Variants in DPH6 observed in about 807,000 individuals in gnomAD.
The protein encoded by DPH6 is diphthamine biosynthesis 6.
In DPH6, 33 loss-of-function variants were observed where a neutral mutation model predicts 38.2. That is an observed-to-expected ratio of 0.86 (90% CI 0.65 to 1.15). The LOEUF is 1.15. Ranked by LOEUF, DPH6 falls within the 50% of genes most tolerant of loss-of-function variation. The pLI is 0.00. For synonymous variants in DPH6, 108 were observed against 103.0 expected (o/e 1.05, Z -0.30); for missense variants, 325 against 320.0 (o/e 1.02, Z -0.12).
chr15:35,226,514 C>A (rs1041171386), intron 3 of DPH6, among the ~76,000 whole-genome samples: 1 of 152,114 alleles, frequency 6.6e-6, no homozygotes, highest in African/African-American at 2.4e-5. Context: ...AATGGCATAT[C>A]ATCATCAAAA....
intron 3 of DPH6, among the ~76,000 whole-genome samples, chr15:35,244,955 A>G (rs1285470341): frequency 6.6e-6 from 1 of 152,224 alleles, no homozygotes; most frequent in Non-Finnish European, 1.5e-5. Flanking sequence ...TTTTATGATC[A>G]TGTAACTACC....
the DPH6 span, among the ~76,000 whole-genome samples, chr15:35,193,405 GA>G: frequency 6.6e-6 from 1 of 151,786 alleles, no homozygotes; most frequent in African/African-American, 2.4e-5. Flanking sequence ...ATAATATGTA[GA>G]TAATATTTAG....
chr15:35,350,933 A>G (rs2052505237), intron 3 of DPH6, among the ~76,000 whole-genome samples: 1 of 152,174 alleles, frequency 6.6e-6, no homozygotes, highest in South Asian at 2.1e-4. Context: ...GCATTTATCT[A>G]TAAAGACCAA....
At chr15:35,267,803 AATAGGATCCT>A (rs2051792495) in intron 3 of DPH6, among the ~76,000 whole-genome samples, 1 of 152,178 alleles carries the variant, frequency 6.6e-6, no homozygotes, top group Admixed American at 6.5e-5. Context: ...CCAGTGCTCA[AATAGGATCCT>A]AGTGCTACCA....
intron 3 of DPH6, among the ~76,000 whole-genome samples, chr15:35,288,480 A>T (rs941346834): frequency 5.9e-5 from 9 of 151,946 alleles, no homozygotes; most frequent in Non-Finnish European, 1.3e-4. Context: ...GACATATCTA[A>T]TTTTTTTTGA....
At chr15:35,282,950 T>C in intron 3 of DPH6, 1 of 330,538 alleles carries the variant, frequency 3.0e-6, no homozygotes, top group Non-Finnish European at 6.2e-6. Context: ...CAATGACATG[T>C]TCAGGCTTGG....
intron 4 of DPH6, 91 bp from the exon 5 acceptor site, chr15:35,450,894 T>G (rs2053924717): frequency 2.0e-6 from 2 of 1,025,056 alleles, no homozygotes; most frequent in Non-Finnish European, 1.4e-6. Context: ...AACATAATGC[T>G]TCGTTCAAGG....
chr15:35,392,187 T>C (rs1239551831), intron 6 of DPH6, among the ~76,000 whole-genome samples: 2 of 152,190 alleles, frequency 1.3e-5, no homozygotes, highest in Non-Finnish European at 2.9e-5. Flanking sequence ...AAAAAGAAAT[T>C]ACTTACATGA....
chr15:35,356,891 C>A (rs1292391519), intron 3 of DPH6, among the ~76,000 whole-genome samples: 4 of 152,210 alleles, frequency 2.6e-5, no homozygotes, highest in Non-Finnish European at 5.9e-5. Flanking sequence ...GTGGAGTCTA[C>A]AGAGCCAGGC....
chr15:35,252,427 C>T (rs201106437), intron 3 of DPH6, among the ~76,000 whole-genome samples: 6 of 152,342 alleles, frequency 3.9e-5, no homozygotes, highest in East Asian at 3.9e-4. Context: ...AGTTTCATTA[C>T]TGCAGGACTT....
intron 7 of DPH6, among the ~76,000 whole-genome samples, chr15:35,378,179 C>T (rs1457737794): frequency 2.6e-5 from 4 of 152,198 alleles, no homozygotes; most frequent in African/African-American, 9.6e-5. Flanking sequence ...TATAAACATA[C>T]ACTTCTCAAA....
At chr15:35,426,475 G>A (rs531262751) in intron 5 of DPH6, among the ~76,000 whole-genome samples, 3 of 151,866 alleles carry the variant, frequency 2.0e-5, no homozygotes, top group Admixed American at 2.0e-4. Context: ...ATAAATGACA[G>A]AAGAACACGA....
intron 6 of DPH6, among the ~76,000 whole-genome samples, chr15:35,392,510 T>A (rs1448994450): frequency 6.6e-6 from 1 of 152,164 alleles, no homozygotes; most frequent in African/African-American, 2.4e-5. Context: ...TAAACGGTAT[T>A]CTTAACATAG....
intron 3 of DPH6, among the ~76,000 whole-genome samples, chr15:35,493,753 G>T (rs187258846): frequency 3.6e-4 from 55 of 152,204 alleles, no homozygotes; most frequent in Admixed American, 1.6e-3. Flanking sequence ...GGGTTGTTGG[G>T]ATGGGGGTTA....
At chr15:35,285,900 A>G (rs1324380788) in intron 3 of DPH6, among the ~76,000 whole-genome samples, 1 of 6,288 alleles carries the variant, frequency 1.6e-4, no homozygotes, top group Non-Finnish European at 4.2e-4. Context: ...ACCTGAGACC[A>G]CTTGTTCACT....
chr15:35,523,684 A>T (rs976835291), intron 3 of DPH6, among the ~76,000 whole-genome samples: 33 of 152,206 alleles, frequency 2.2e-4, no homozygotes, highest in African/African-American at 7.5e-4. Context: ...TTATAAGCAT[A>T]CTAAAATTGG....
intron 3 of DPH6, among the ~76,000 whole-genome samples, chr15:35,459,876 G>C (rs530972766): frequency 6.6e-6 from 1 of 152,230 alleles, no homozygotes; most frequent in East Asian, 1.9e-4. Context: ...ATTTATGTTA[G>C]GTACTTTGTT....
chr15:35,419,466 T>C (rs1188147304), intron 5 of DPH6, among the ~76,000 whole-genome samples: 2 of 152,142 alleles, frequency 1.3e-5, no homozygotes, highest in Non-Finnish European at 2.9e-5. Context: ...GCTTTGAATG[T>C]AAATGTTTTA....
At chr15:35,458,848 A>G (rs10851974) in intron 3 of DPH6, among the ~76,000 whole-genome samples, 140,765 of 152,218 alleles carry the variant, frequency 0.92, 65,114 homozygotes, top group East Asian at 1. Context: ...CTTTTGGATC[A>G]AAACCAGTGA....
Sources: allele counts gnomAD v4.1 joint callset (sites outside exome capture counted in the v4.1 genomes callset), GRCh38; gene constraint gnomAD v4.1.1; transcripts MANE v1.5; gene names NCBI Gene and HGNC (gene_info 2026-07-23, HGNC 2026-07-21).